FAM171B: variants seen among roughly 807,000 people sequenced by gnomAD.
The protein encoded by FAM171B is protein FAM171B.
A neutral mutation model predicts 75.6 loss-of-function variants in FAM171B; 19 were observed. That is an observed-to-expected ratio of 0.25 (90% confidence interval 0.18 to 0.37). The LOEUF is 0.37. Ranked by LOEUF, FAM171B falls within the 10% of genes least tolerant of loss-of-function variation. FAM171B has a pLI of 1.00. For missense variants in FAM171B, 848 were observed against 982.4 expected, an observed-to-expected ratio of 0.86 and a Z score of 1.83; for synonymous variants, 367 against 361.7, an observed-to-expected ratio of 1.01 and a Z score of -0.17.
In FAM171B at chr2:186,762,724, C is replaced by A. The variant is rs1690638501; in HGVS notation, c.2382C>A (p.Ser794=). Residue 794 remains serine, a synonymous_variant, in exon 8 of 8, where the codon TCC becomes TCA. Transcript: ENST00000304698. The surrounding 1 kb of genome is among the most constrained non-coding windows in gnomAD (Gnocchi z 4.0). ...STVEDFEANT[S]PTKRRGRPPL... is the part of the protein sequence containing the mutation. ...TTGAAGATTTTGAAGCTAATACATC[C>A]CCCACTAAAAGAAGGGGCAGACCAC... 1.2e-6 allele frequency: 2 copies of A among 1,612,902 alleles called. No individual in the cohort carries two copies. The highest frequency in any genetic ancestry group is 1.7e-6 in the Non-Finnish European group (2 of 1,179,558).
At chr2:186,704,823 T>A (rs964794792) in intron 1 of FAM171B, among the ~76,000 whole-genome samples, 1 of 152,128 alleles carries the variant, frequency 6.6e-6, no homozygotes, top group South Asian at 2.1e-4. Flanking sequence ...GATGTAAAGA[T>A]GTTGGAAGTG....
At position 186,762,241 on chromosome 2, in the gene FAM171B, T is replaced by A; in HGVS notation, c.1899T>A (p.Val633=). 1 of 1,613,724 alleles carries A rather than the reference T, an allele frequency of 6.2e-7. No individual in the cohort carries two copies. Among genetic ancestry groups the A allele is most frequent in the Non-Finnish European group, 8.5e-7 (1 of 1,179,794 alleles). ...YSSSLLESVS[V]PGTLNEAVVM... ...GCAGCTTACTGGAATCCGTCTCTGT[T>A]CCTGGAACACTAAATGAGGCTGTTG... Residue 633 remains valine, a synonymous_variant, in exon 8 of 8, where the codon GTT becomes GTA. Coordinates refer to ENST00000304698, the MANE Select transcript of FAM171B (RefSeq NM_177454.4). This position sits in a 1 kb window ranked among gnomAD's most constrained non-coding sequence, Gnocchi z 4.0.
intron 1 of FAM171B, among the ~76,000 whole-genome samples, chr2:186,702,459 T>G (rs1455411514): frequency 6.6e-6 from 1 of 152,234 alleles, no homozygotes; most frequent in Non-Finnish European, 1.5e-5. Flanking sequence ...AAGATTCTGT[T>G]TGGAGATGCC....
chr2:186,711,133 G>A (rs923339295), intron 1 of FAM171B, among the ~76,000 whole-genome samples: 6 of 152,128 alleles, frequency 3.9e-5, no homozygotes, highest in Non-Finnish European at 8.8e-5. Flanking sequence ...CTTATAGACT[G>A]GTCTGTGGCA....
At chr2:186,738,636 T>C (rs1377299132) in intron 1 of FAM171B, among the ~76,000 whole-genome samples, 1 of 152,152 alleles carries the variant, frequency 6.6e-6, no homozygotes, top group East Asian at 1.9e-4. Flanking sequence ...AGGCTTTCTT[T>C]GGCTTGAAGG....
At chr2:186,726,811 G>A (rs867560015) in intron 1 of FAM171B, among the ~76,000 whole-genome samples, 1 of 152,076 alleles carries the variant, frequency 6.6e-6, no homozygotes, top group African/African-American at 2.4e-5. Context: ...AAAGGAAGAG[G>A]AATCTTATTA....
intron 5 of FAM171B, among the ~76,000 whole-genome samples, chr2:186,752,910 T>G (rs1690477256): frequency 6.6e-6 from 1 of 152,308 alleles, no homozygotes; most frequent in African/African-American, 2.4e-5. Context: ...ACTGAATTCT[T>G]TTTTCTTTTG....
chr2:186,751,039 G>C, intron 4 of FAM171B, 95 bp from the exon 5 acceptor site: 2 of 902,540 alleles, frequency 2.2e-6, no homozygotes, highest in Non-Finnish European at 3.3e-6. Flanking sequence ...ATAACCCTTG[G>C]TGAAATAGAG....
At chr2:186,749,378 A>G (rs1190218911) in intron 4 of FAM171B, among the ~76,000 whole-genome samples, 1 of 152,156 alleles carries the variant, frequency 6.6e-6, no homozygotes, top group Non-Finnish European at 1.5e-5. Context: ...GGTGAGGTTG[A>G]AGCAGGTACT....
intron 6 of FAM171B, among the ~76,000 whole-genome samples, chr2:186,756,109 C>T (rs1690527879): frequency 6.9e-6 from 1 of 145,406 alleles, no homozygotes; most frequent in African/African-American, 2.5e-5. Context: ...TATAAGATAG[C>T]TTTATGAATT....
chr2:186,750,849 T>G (rs534976193), intron 4 of FAM171B, among the ~76,000 whole-genome samples: 1 of 152,306 alleles, frequency 6.6e-6, no homozygotes, highest in South Asian at 2.1e-4. Context: ...TTGTTGCTTT[T>G]TAGATTTATA....
chr2:186,751,848 TA>T (rs1690459612), intron 5 of FAM171B, among the ~76,000 whole-genome samples: 5 of 152,080 alleles, frequency 3.3e-5, no homozygotes, highest in Admixed American at 3.3e-4. Context: ...CCCATGTAAA[TA>T]AGGTAGGAGT....
At chr2:186,712,450 A>C (rs1290330932) in intron 1 of FAM171B, among the ~76,000 whole-genome samples, 1 of 152,218 alleles carries the variant, frequency 6.6e-6, no homozygotes, top group Non-Finnish European at 1.5e-5. Flanking sequence ...CTAGACACAT[A>C]ATAGGTATTC....
intron 2 of FAM171B, among the ~76,000 whole-genome samples, chr2:186,742,342 C>T (rs1690300939): frequency 1.3e-5 from 2 of 152,204 alleles, no homozygotes; most frequent in South Asian, 4.1e-4. Flanking sequence ...TGGAATAATG[C>T]CTTACTTATA....
At chr2:186,737,813 T>G (rs1690225953) in intron 1 of FAM171B, among the ~76,000 whole-genome samples, 1 of 152,258 alleles carries the variant, frequency 6.6e-6, no homozygotes, top group African/African-American at 2.4e-5. Context: ...TGACTACATT[T>G]GGAATGTGTT....
At chr2:186,727,604 G>GT (rs1361072961) in intron 1 of FAM171B, among the ~76,000 whole-genome samples, 1 of 152,154 alleles carries the variant, frequency 6.6e-6, no homozygotes, top group Non-Finnish European at 1.5e-5. Flanking sequence ...CAAAATCAGA[G>GT]TGGGTCAGAG....
At chr2:186,723,736 A>G (rs1344941374) in intron 1 of FAM171B, among the ~76,000 whole-genome samples, 1 of 152,230 alleles carries the variant, frequency 6.6e-6, no homozygotes, top group African/African-American at 2.4e-5. Context: ...CTTAAAGTAT[A>G]AAACTTACAA....
intron 1 of FAM171B, among the ~76,000 whole-genome samples, chr2:186,708,850 C>T (rs542903766): frequency 1.2e-4 from 19 of 152,162 alleles, no homozygotes; most frequent in African/African-American, 3.4e-4. Context: ...TCAAATATCA[C>T]GATATACTTA....
chr2:186,702,323 A>C (rs1464634395), intron 1 of FAM171B, among the ~76,000 whole-genome samples: 6 of 152,208 alleles, frequency 3.9e-5, no homozygotes, highest in Non-Finnish European at 1.5e-5. Flanking sequence ...CTAAACATAG[A>C]AAAGGCAAAG....
Sources: gnomAD v4.1 joint callset for allele counts (sites outside exome capture counted in the v4.1 genomes callset) on GRCh38, gnomAD v4.1.1 for gene constraint, Gnocchi (gnomAD v3.1) non-coding constraint, MANE v1.5 for transcripts, NCBI Gene and HGNC (gene_info 2026-07-23, HGNC 2026-07-21) for gene names.